RAB11FIP4: variants seen among roughly 807,000 people sequenced by gnomAD.
RAB11FIP4 encodes the protein RAB11 family interacting protein 4.
In RAB11FIP4, 23 loss-of-function variants were observed where a neutral mutation model predicts 74.3. That is an observed-to-expected ratio of 0.31 (90% CI 0.22 to 0.44). RAB11FIP4 has a LOEUF of 0.44. Ranked by LOEUF, RAB11FIP4 falls within the 20% of genes least tolerant of loss-of-function variation. The pLI is 1.00. For missense variants in RAB11FIP4, 630 were observed against 863.9 expected (o/e 0.73, Z 3.39); for synonymous variants, 360 against 359.9 (o/e 1.00, Z 0.00).
chr17:31,499,528 G>T (rs1393340428), intron 3 of RAB11FIP4, among the ~76,000 whole-genome samples: 1 of 151,960 alleles, frequency 6.6e-6, no homozygotes, highest in Non-Finnish European at 1.5e-5. Context: ...GCTAATTTTT[G>T]TATTTTTTAG....
At chr17:31,419,381 A>T (rs1406943254) in intron 1 of RAB11FIP4, among the ~76,000 whole-genome samples, 2 of 150,502 alleles carry the variant, frequency 1.3e-5, no homozygotes, top group African/African-American at 4.9e-5. Flanking sequence ...TCATGTTTAG[A>T]TTACATCCAT....
chr17:31,454,007 C>G (rs1336334754), intron 3 of RAB11FIP4, among the ~76,000 whole-genome samples: 1 of 152,026 alleles, frequency 6.6e-6, no homozygotes, highest in Non-Finnish European at 1.5e-5. Context: ...CCCCCCAGCC[C>G]CACCCACAGC....
rs1194810393 is a variant in RAB11FIP4 at position 31,534,275 on chromosome 17, T to C, written c.*2543T>C. The stretch of plus-strand genomic sequence containing the variant: ...TGTTCTATCTAATACATGGGACAGA[T>C]GTTATTTTTAGAGATAGGATCTTGC... On this transcript the variant is annotated 3_prime_UTR_variant, in exon 15 of 15. Coordinates refer to ENST00000621161, the MANE Select transcript of RAB11FIP4 (RefSeq NM_032932.6). The C allele has an allele frequency of 6.6e-6, 1 of 152,176 alleles. No homozygotes were observed. Among genetic ancestry groups the C allele is most frequent in the Non-Finnish European group, 1.5e-5 (1 of 68,038 alleles). 9.4% of individuals were successfully genotyped at this position (152,176 alleles called of 1,614,324 possible). A position where few individuals can be genotyped will look rare whatever the true frequency, so the allele number is the denominator to read the frequency against.
chr17:31,485,562 C>T (rs56984156), intron 3 of RAB11FIP4, among the ~76,000 whole-genome samples: 23,420 of 152,066 alleles, frequency 0.15, 2,023 homozygotes, highest in South Asian at 0.29. Context: ...GGGGCAACAT[C>T]GGACTTGGAA....
intron 2 of RAB11FIP4, among the ~76,000 whole-genome samples, chr17:31,433,042 A>T (rs2071325250): frequency 6.6e-6 from 1 of 152,146 alleles, no homozygotes; most frequent in African/African-American, 2.4e-5. Flanking sequence ...GCTACCTGGG[A>T]GGCTAAGGTG....
chr17:31,524,346 C>T, intron 9 of RAB11FIP4: 1 of 282,486 alleles, frequency 3.5e-6, no homozygotes. Flanking sequence ...CTGCAGGGGA[C>T]AGGCCAGTGT....
In RAB11FIP4 at chr17:31,410,882, G is replaced by A. The variant is rs185018076; in HGVS notation, c.159+18871G>A. Among the ~76,000 whole-genome samples the A allele has an allele frequency of 1.1e-4, 16 of 152,310 alleles. No individual in the cohort carries two copies. The South Asian group carries it at 2.7e-3, about 26-fold the overall frequency. ...CCGCCCAATCTGGATTCCCCTCTCA[G>A]GGTCTCATCATCAGAATCTCCAGGG... On this transcript the variant is annotated intron_variant, in intron 1 of 14. Transcript: ENST00000621161.
intron 6 of RAB11FIP4, 50 bp downstream of exon 6, chr17:31,522,099 G>T: frequency 6.2e-7 from 1 of 1,605,834 alleles, no homozygotes; most frequent in East Asian, 2.2e-5. Context: ...GCCAGGGCAG[G>T]GCCTGGAGGG....
chr17:31,467,080 A>G (rs1455392445), intron 3 of RAB11FIP4, among the ~76,000 whole-genome samples: 1 of 150,270 alleles, frequency 6.7e-6, no homozygotes, highest in Non-Finnish European at 1.5e-5. Flanking sequence ...TACCTCCTGC[A>G]TCTAGCTCCT....
intron 3 of RAB11FIP4, among the ~76,000 whole-genome samples, chr17:31,452,889 G>A (rs901732823): frequency 6.6e-6 from 1 of 152,218 alleles, no homozygotes; most frequent in African/African-American, 2.4e-5. Context: ...GACTCCTGGG[G>A]GATGTTGCCC....
At chr17:31,425,348 G>C (rs977608359) in intron 1 of RAB11FIP4, among the ~76,000 whole-genome samples, 1 of 152,182 alleles carries the variant, frequency 6.6e-6, no homozygotes, top group Non-Finnish European at 1.5e-5. Context: ...GCTTCACAGC[G>C]GCAAGATAAG....
At chr17:31,419,464 T>C (rs961999773) in intron 1 of RAB11FIP4, among the ~76,000 whole-genome samples, 3 of 152,034 alleles carry the variant, frequency 2.0e-5, no homozygotes, top group African/African-American at 7.2e-5. Flanking sequence ...ATTTTTCATA[T>C]ATATCTCCTG....
intron 1 of RAB11FIP4, among the ~76,000 whole-genome samples, chr17:31,395,257 A>G (rs959802169): frequency 5.9e-5 from 9 of 152,210 alleles, no homozygotes; most frequent in African/African-American, 2.2e-4. Context: ...ATAATAAATA[A>G]ATAGGAAAAT....
Position 31,521,258 on chromosome 17 carries a change from A to G in RAB11FIP4, c.656A>G (p.Tyr219Cys). Residue 219 changes from tyrosine to cysteine, a missense_variant, in exon 5 of 15, where the codon TAT (tyrosine) becomes TGT (cysteine). Physicochemically the swap from Tyr to Cys is radical, Grantham distance 194 (BLOSUM62 -2). Transcript: ENST00000621161. Reference sequence around the variant, plus strand: ...AGCAATGAGGAGCAGTTTGAAGACTATGGGGAGGGTGACGATGTGGACTGT... The same window carrying G: ...AGCAATGAGGAGCAGTTTGAAGACTGTGGGGAGGGTGACGATGTGGACTGT... ...LISNEEQFED[Y>C]GEGDDVDCAP... 6.2e-7 allele frequency: 1 copy of G among 1,614,000 alleles called. No homozygotes were observed. The highest frequency in any genetic ancestry group is 8.5e-7 in the Non-Finnish European group (1 of 1,179,934).
intron 3 of RAB11FIP4, among the ~76,000 whole-genome samples, chr17:31,513,213 C>T (rs1175129155): frequency 1.3e-5 from 2 of 152,176 alleles, no homozygotes; most frequent in Non-Finnish European, 2.9e-5. Context: ...GAGAGGAACC[C>T]ACCGCCTCCA....
At position 31,408,719 on chromosome 17, in the gene RAB11FIP4, G is replaced by A. The variant is rs2071064998; in HGVS notation, c.159+16708G>A. Among the ~76,000 whole-genome samples the A allele has an allele frequency of 2.0e-5, 3 of 152,334 alleles. No homozygotes were observed. In the South Asian group the frequency reaches 6.2e-4, roughly 32 times the overall value. On this transcript the variant is annotated intron_variant, in intron 1 of 14. Transcript: ENST00000621161. Reference sequence around the variant, plus strand: ...GCCAGCATTTCTAGAGCTAAGCGGGGTGGGCACAGGAGACATCGCCCCAAC... The same window carrying A: ...GCCAGCATTTCTAGAGCTAAGCGGGATGGGCACAGGAGACATCGCCCCAAC...
At chr17:31,470,959 T>C (rs1416973850) in intron 3 of RAB11FIP4, among the ~76,000 whole-genome samples, 3 of 152,228 alleles carry the variant, frequency 2.0e-5, no homozygotes, top group Non-Finnish European at 4.4e-5. Flanking sequence ...AAAATCAATG[T>C]TATTGTTTTT....
intron 3 of RAB11FIP4, among the ~76,000 whole-genome samples, chr17:31,513,279 T>C (rs1004454294): frequency 6.6e-6 from 1 of 152,246 alleles, no homozygotes. Context: ...GTTTTTATTA[T>C]GGCCAAGTTC....
chr17:31,430,359 T>TC (rs1428359114), intron 1 of RAB11FIP4, among the ~76,000 whole-genome samples: 1 of 130,986 alleles, frequency 7.6e-6, no homozygotes, highest in Non-Finnish European at 1.8e-5. Context: ...TGGATTTTTT[T>TC]TTTTTTTTTT....
Sources: gnomAD v4.1 joint callset for allele counts (sites outside exome capture counted in the v4.1 genomes callset) on GRCh38, gnomAD v4.1.1 for gene constraint, MANE v1.5 for transcripts, NCBI Gene and HGNC (gene_info 2026-07-23, HGNC 2026-07-21) for gene names.